Variants in SRPK2 observed in about 807,000 individuals in gnomAD.
The protein encoded by SRPK2 is SRSF protein kinase 2.
SRPK2 carries 21 observed loss-of-function variants against 90.8 expected under a neutral mutation model. That is an observed-to-expected ratio of 0.23 (90% confidence interval 0.16 to 0.33). SRPK2 has a LOEUF of 0.33. SRPK2 is among the 10% of genes least tolerant of loss of function. The probability of loss-of-function intolerance (pLI) is 1.00; values close to 1 mark genes in which losing one functional copy is unlikely to be tolerated. For synonymous variants in SRPK2, 288 were observed against 311.1 expected, an observed-to-expected ratio of 0.93 and a Z score of 0.78; for missense variants, 620 against 869.0, an observed-to-expected ratio of 0.71 and a Z score of 3.60.
intron 2 of SRPK2, among the ~76,000 whole-genome samples, chr7:105,320,034 C>T (rs1812769282): frequency 6.6e-6 from 1 of 152,108 alleles, no homozygotes; most frequent in African/African-American, 2.4e-5. Flanking sequence ...TAATAACATT[C>T]CAAATAATAA....
intron 2 of SRPK2, among the ~76,000 whole-genome samples, chr7:105,386,085 C>T (rs1465481145): frequency 2.0e-5 from 3 of 152,014 alleles, no homozygotes; most frequent in Admixed American, 2.0e-4. Flanking sequence ...GAGGCCGAGG[C>T]GGGCGAATCA....
At chr7:105,367,411 C>T (rs1028937854) in intron 2 of SRPK2, among the ~76,000 whole-genome samples, 2 of 152,032 alleles carry the variant, frequency 1.3e-5, no homozygotes, top group African/African-American at 4.8e-5. Context: ...TATAGGCACG[C>T]ACCACTACAC....
intron 2 of SRPK2, among the ~76,000 whole-genome samples, chr7:105,265,860 C>CT (rs1804993378): frequency 6.8e-6 from 1 of 147,452 alleles, no homozygotes; most frequent in Non-Finnish European, 1.5e-5. Context: ...CATCATTAGG[C>CT]ATTTTTTTTA....
chr7:105,126,384 A>G (rs1335798377), intron 14 of SRPK2, 44 bp from the exon 15 acceptor site: 1 of 1,398,192 alleles, frequency 7.2e-7, no homozygotes, highest in Non-Finnish European at 1.0e-6. Context: ...GGAGGGGCAA[A>G]GGGAAGGATG....
intron 2 of SRPK2, among the ~76,000 whole-genome samples, chr7:105,290,398 T>G (rs1808813629): frequency 6.6e-6 from 1 of 151,894 alleles, no homozygotes; most frequent in East Asian, 1.9e-4. Context: ...CCCAGAAGGC[T>G]GAGGTAGGAG....
intron 13 of SRPK2, among the ~76,000 whole-genome samples, chr7:105,127,579 A>C (rs1801382069): frequency 6.6e-6 from 1 of 152,212 alleles, no homozygotes; most frequent in African/African-American, 2.4e-5. Context: ...ATTCAACCAA[A>C]GGAAAACCTG....
intron 3 of SRPK2, among the ~76,000 whole-genome samples, chr7:105,181,888 A>AG (rs1324353671): frequency 6.8e-6 from 1 of 147,470 alleles, no homozygotes; most frequent in African/African-American, 2.5e-5. Context: ...AAGTAAAAAA[A>AG]AAAAAAAACA....
In SRPK2 at chr7:105,169,817, T is replaced by C. The variant is rs572491246; in HGVS notation, c.230-552A>G. Among the ~76,000 whole-genome samples, 3 of 152,258 alleles carry C rather than the reference T, an allele frequency of 2.0e-5. No individual in the cohort carries two copies. The East Asian group carries it at 5.8e-4, about 29-fold the overall frequency. ...CGTAATGATAACTTGAGGTTCTCTATTTACTTATTTATTTTTAAGACAGGG... is the reference window on the plus strand; with the variant it reads ...CGTAATGATAACTTGAGGTTCTCTACTTACTTATTTATTTTTAAGACAGGG... On this transcript the variant is annotated intron_variant, in intron 3 of 15. Transcript: ENST00000393651.
chr7:105,174,483 T>C (rs571889410), intron 3 of SRPK2, among the ~76,000 whole-genome samples: 14 of 152,180 alleles, frequency 9.2e-5, no homozygotes, highest in African/African-American at 3.1e-4. Flanking sequence ...AGCCCTCTGA[T>C]TGTGGGGTTT....
At chr7:105,269,517 G>A (rs1307927272) in intron 2 of SRPK2, among the ~76,000 whole-genome samples, 1 of 152,124 alleles carries the variant, frequency 6.6e-6, no homozygotes, top group Non-Finnish European at 1.5e-5. Context: ...TAGCAGTACA[G>A]TACAAGTGAA....
At chr7:105,258,872 T>C (rs777376278) in intron 2 of SRPK2, among the ~76,000 whole-genome samples, 1 of 152,148 alleles carries the variant, frequency 6.6e-6, no homozygotes, top group Non-Finnish European at 1.5e-5. Context: ...AACTAGGTAT[T>C]GATGGAACCT....
chr7:105,195,501 T>C (rs1346028027), intron 3 of SRPK2, among the ~76,000 whole-genome samples: 1 of 152,212 alleles, frequency 6.6e-6, no homozygotes, highest in African/African-American at 2.4e-5. Flanking sequence ...CTCATCTCTA[T>C]CCTCTACATG....
chr7:105,215,696 C>A (rs1797377419), intron 2 of SRPK2, among the ~76,000 whole-genome samples: 1 of 151,882 alleles, frequency 6.6e-6, no homozygotes, highest in African/African-American at 2.4e-5. Flanking sequence ...CATGGATGAC[C>A]CCTGACAGCA....
chr7:105,135,299 G>A (rs565431022), intron 11 of SRPK2, among the ~76,000 whole-genome samples: 10 of 152,232 alleles, frequency 6.6e-5, no homozygotes, highest in Admixed American at 2.0e-4. Context: ...CTTCCCCACC[G>A]AAGACACTAA....
At chr7:105,190,953 T>C (rs1794207450) in intron 3 of SRPK2, among the ~76,000 whole-genome samples, 1 of 152,212 alleles carries the variant, frequency 6.6e-6, no homozygotes, top group Non-Finnish European at 1.5e-5. Flanking sequence ...AAGCCATAAT[T>C]GTATGTATGG....
At chr7:105,269,029 A>G in intron 2 of SRPK2, 1 of 1,321,506 alleles carries the variant, frequency 7.6e-7, no homozygotes, top group Non-Finnish European at 9.8e-7. Flanking sequence ...TATAAAGGGA[A>G]AAAGCTCCAG....
In SRPK2 at chr7:105,118,024, T is replaced by TA; in HGVS notation, c.1916-3dup. The TA allele has an allele frequency of 1.2e-6, 2 of 1,612,454 alleles. No individual in the cohort carries two copies. The highest frequency in any genetic ancestry group is 1.7e-6 in the Non-Finnish European group (2 of 1,178,902). ...GCTTGGTGATGTGTCGCAGTTCTCCTACAGGGGAAAAAACAGGCCAATGTC... is the reference window on the plus strand; with the variant it reads ...GCTTGGTGATGTGTCGCAGTTCTCCTAACAGGGGAAAAAACAGGCCAATGTC... On this transcript the variant is annotated splice_region_variant and splice_polypyrimidine_tract_variant and intron_variant, in intron 15 of 15. Transcript: ENST00000393651.
At chr7:105,150,652 C>T (rs929814553) in intron 7 of SRPK2, among the ~76,000 whole-genome samples, 5 of 152,158 alleles carry the variant, frequency 3.3e-5, no homozygotes, top group African/African-American at 7.2e-5. Context: ...TGTTATTCAA[C>T]GACATTCATG....
intron 1 of SRPK2, among the ~76,000 whole-genome samples, chr7:105,396,625 C>T (rs1206045688): frequency 2.8e-5 from 4 of 144,218 alleles, no homozygotes; most frequent in Admixed American, 2.1e-4. Context: ...AGCGACACTC[C>T]GTCTTGAAAG....
Sources: allele counts gnomAD v4.1 joint callset (sites outside exome capture counted in the v4.1 genomes callset), GRCh38; gene constraint gnomAD v4.1.1; transcripts MANE v1.5; gene names NCBI Gene and HGNC (gene_info 2026-07-23, HGNC 2026-07-21).